The following DGKB variants were observed in gnomAD, a reference collection of about 807,000 sequenced individuals.
The protein encoded by DGKB is diacylglycerol kinase beta.
In DGKB, 67 loss-of-function variants were observed where a neutral mutation model predicts 114.3. That is an observed-to-expected ratio of 0.59 (90% CI 0.48 to 0.72). The LOEUF (loss-of-function observed/expected upper bound fraction) is 0.72, where lower values mean the gene tolerates loss of function less well. Among genes scored for constraint, DGKB ranks in the 30% least tolerant of loss-of-function variants. The pLI is 0.00. For synonymous variants in DGKB, 398 were observed against 323.1 expected (o/e 1.23, Z -2.49); for missense variants, 907 against 975.2 (o/e 0.93, Z 0.93).
chr7:14,357,929 C>CTCT (rs1814899775), intron 21 of DGKB, among the ~76,000 whole-genome samples: 1 of 151,100 alleles, frequency 6.6e-6, no homozygotes, highest in Non-Finnish European at 1.5e-5. Flanking sequence ...TTGGCCCCTA[C>CTCT]TCTGGCTTGT....
chr7:14,705,727 T>C (rs1170979491), intron 6 of DGKB, among the ~76,000 whole-genome samples: 3 of 148,734 alleles, frequency 2.0e-5, no homozygotes, highest in Non-Finnish European at 4.5e-5. Context: ...GCTTCATAAG[T>C]GAAGGAGAAA....
chr7:14,626,176 G>C (rs1169604467), intron 14 of DGKB, among the ~76,000 whole-genome samples: 1 of 152,104 alleles, frequency 6.6e-6, no homozygotes, highest in Non-Finnish European at 1.5e-5. Context: ...TTCACAAAAG[G>C]GTTGTTTACC....
At chr7:14,468,375 C>T (rs895541658) in intron 21 of DGKB, among the ~76,000 whole-genome samples, 3 of 151,990 alleles carry the variant, frequency 2.0e-5, no homozygotes, top group African/African-American at 4.8e-5. Flanking sequence ...ACCTAGGTGG[C>T]AGGGCTGAAC....
At chr7:14,524,293 C>T (rs549719702) in intron 20 of DGKB, among the ~76,000 whole-genome samples, 14 of 152,134 alleles carry the variant, frequency 9.2e-5, no homozygotes, top group African/African-American at 1.4e-4. Context: ...TTTCTCTCTC[C>T]GGGATTAGGT....
intron 2 of DGKB, among the ~76,000 whole-genome samples, chr7:14,829,700 A>G (rs1846157208): frequency 6.6e-6 from 1 of 152,146 alleles, no homozygotes; most frequent in Non-Finnish European, 1.5e-5. Context: ...CATACTGTAG[A>G]TAAGGTAACA....
intron 20 of DGKB, among the ~76,000 whole-genome samples, chr7:14,493,925 TACACACACAC>T (rs372780599): frequency 5.8e-5 from 8 of 137,628 alleles, no homozygotes; most frequent in South Asian, 2.4e-4. Context: ...CATGGTATCA[TACACACACAC>T]ACACACACAC....
At chr7:14,403,301 C>T (rs1823425809) in intron 21 of DGKB, among the ~76,000 whole-genome samples, 1 of 151,858 alleles carries the variant, frequency 6.6e-6, no homozygotes, top group Non-Finnish European at 1.5e-5. Flanking sequence ...CAAGTTCTGC[C>T]AGTAGATACC....
chr7:14,385,750 A>G (rs1461675204), intron 21 of DGKB, among the ~76,000 whole-genome samples: 1 of 152,220 alleles, frequency 6.6e-6, no homozygotes, highest in Non-Finnish European at 1.5e-5. Flanking sequence ...GTGATATATG[A>G]ATGTAAGCAT....
At chr7:14,804,171 T>A (rs971579759) in intron 2 of DGKB, among the ~76,000 whole-genome samples, 1 of 151,808 alleles carries the variant, frequency 6.6e-6, no homozygotes, top group Non-Finnish European at 1.5e-5. Context: ...CCTCTATTCC[T>A]GGACTGGTTA....
chr7:14,288,614 C>T (rs1229501934), intron 23 of DGKB, among the ~76,000 whole-genome samples: 1 of 151,872 alleles, frequency 6.6e-6, no homozygotes, highest in Non-Finnish European at 1.5e-5. Context: ...CTTTGTTTTC[C>T]CCTTGGCCAT....
intron 21 of DGKB, among the ~76,000 whole-genome samples, chr7:14,379,097 A>C (rs888554438): frequency 6.6e-6 from 1 of 151,666 alleles, no homozygotes; most frequent in African/African-American, 2.4e-5. Flanking sequence ...GCAGACAATT[A>C]TGTCACATAC....
intron 25 of DGKB, among the ~76,000 whole-genome samples, chr7:14,169,082 G>T (rs151162392): frequency 2.0e-5 from 3 of 151,796 alleles, no homozygotes; most frequent in South Asian, 2.1e-4. Flanking sequence ...ACCATGGGCC[G>T]GGTGCAGTGG....
chr7:14,296,926 A>G (rs1028274506), intron 23 of DGKB, among the ~76,000 whole-genome samples: 1 of 152,168 alleles, frequency 6.6e-6, no homozygotes, highest in Non-Finnish European at 1.5e-5. Context: ...TACTATAAAC[A>G]CATCTACGCA....
chr7:14,642,133 G>T lies in DGKB; in HGVS notation c.1135-11865C>A, dbSNP rs73289548. ...TTTGTTGTCCTCAGTGTTGATTTTT[G>T]CCTTATTCTAATACAGATATAGTTA... On this transcript the variant is annotated intron_variant, in intron 13 of 25. Transcript: ENST00000402815. Among the ~76,000 whole-genome samples the T allele has an allele frequency of 7.0e-3, 1,061 of 151,916 alleles. 11 individuals carry two copies. Among genetic ancestry groups the T allele is most frequent in the African/African-American group, 0.024 (1,002 of 41,464 alleles).
intron 13 of DGKB, among the ~76,000 whole-genome samples, chr7:14,654,914 A>T (rs962540212): frequency 2.6e-5 from 4 of 151,872 alleles, no homozygotes; most frequent in Non-Finnish European, 5.9e-5. Flanking sequence ...AAGACCCAAA[A>T]CTATAAAACT....
At chr7:14,162,051 T>C (rs1266519841) in intron 25 of DGKB, among the ~76,000 whole-genome samples, 1 of 152,172 alleles carries the variant, frequency 6.6e-6, no homozygotes, top group East Asian at 1.9e-4. Context: ...CTCTTTAAAA[T>C]TTTCAACAAT....
In DGKB at chr7:14,148,976, A is replaced by T; in HGVS notation, c.*155T>A. 1.5e-6 allele frequency: 1 copy of T among 650,054 alleles called. No homozygotes were observed. Among genetic ancestry groups the T allele is most frequent in the Non-Finnish European group, 2.6e-6 (1 of 378,564 alleles). 40.3% of individuals were successfully genotyped at this position (650,054 alleles called of 1,614,324 possible). ...AAACTGAGACAATAAATTTTCTAATAGCTGAATTTTACATTAGCTTAGTAA... is the reference window on the plus strand; with the variant it reads ...AAACTGAGACAATAAATTTTCTAATTGCTGAATTTTACATTAGCTTAGTAA... On this transcript the variant is annotated 3_prime_UTR_variant, in exon 26 of 26. Coordinates refer to ENST00000402815, the MANE Select transcript of DGKB (RefSeq NM_001350709.2).
intron 23 of DGKB, chr7:14,268,759 T>C (rs1797878107): frequency 6.6e-6 from 1 of 152,334 alleles, no homozygotes; most frequent in Middle Eastern, 3.4e-3. Context: ...TTAGAACATA[T>C]ACTGGACATT....
At chr7:14,718,359 AAATTAATAGATCTT>A (rs1427336582) in intron 6 of DGKB, among the ~76,000 whole-genome samples, 169 bp downstream of exon 6, 1 of 152,188 alleles carries the variant, frequency 6.6e-6, no homozygotes, top group East Asian at 1.9e-4. Context: ...TAAGAACCTG[AAATTAATAGATCTT>A]AATATCTTTT....
Sources: gnomAD v4.1 joint callset for allele counts (sites outside exome capture counted in the v4.1 genomes callset) on GRCh38, gnomAD v4.1.1 for gene constraint, MANE v1.5 for transcripts, NCBI Gene and HGNC (gene_info 2026-07-23, HGNC 2026-07-21) for gene names.